Variants in MPPED1 observed in about 807,000 individuals in gnomAD.
MPPED1 encodes the protein metallophosphoesterase domain-containing protein 1.
Under a neutral mutation model 36.2 loss-of-function variants are expected in MPPED1, and 16 were observed. The ratio of observed to expected loss-of-function variants is 0.44; its 90% CI spans 0.30 to 0.67. MPPED1 has a LOEUF of 0.67. Among genes scored for constraint, MPPED1 ranks in the 30% least tolerant of loss-of-function variants. The probability of loss-of-function intolerance (pLI) is 0.10; values close to 1 mark genes in which losing one functional copy is unlikely to be tolerated. For synonymous variants in MPPED1, 199 were observed against 191.3 expected (o/e 1.04, Z -0.33); for missense variants, 307 against 453.4 (o/e 0.68, Z 2.93).
intron 3 of MPPED1, 51 bp downstream of exon 3, chr22:43,435,266 T>A: frequency 6.5e-7 from 1 of 1,531,478 alleles, no homozygotes; most frequent in South Asian, 1.2e-5. Context: ...GGAAGGGGGC[T>A]CCCGCCAGCT....
At chr22:43,443,757 G>T (rs1309963598) in intron 3 of MPPED1, among the ~76,000 whole-genome samples, 1 of 151,906 alleles carries the variant, frequency 6.6e-6, no homozygotes, top group African/African-American at 2.4e-5. Context: ...GGATTCTGTT[G>T]CTACGGCCTG....
chr22:43,431,249 G>A (rs150920519), intron 2 of MPPED1, among the ~76,000 whole-genome samples: 3,364 of 151,658 alleles, frequency 0.022, 154 homozygotes, highest in African/African-American at 0.078. Context: ...CACCATGTTG[G>A]CCAGGCTGGT....
intron 3 of MPPED1, among the ~76,000 whole-genome samples, chr22:43,438,213 C>T (rs1930031164): frequency 6.6e-6 from 1 of 152,190 alleles, no homozygotes. Flanking sequence ...TGGGACCCAC[C>T]TGGGGACGTG....
rs1019238739 is a variant in MPPED1 at position 43,502,261 on chromosome 22, C to T, written c.749-383C>T. 4.6e-5 allele frequency among the ~76,000 whole-genome samples: 7 copies of T among 152,136 alleles called. No individual in the cohort carries two copies. The highest frequency in any genetic ancestry group is 3.9e-4 in the Admixed American group (6 of 15,282). ...AGGGTGCCTGCCCTTGGGACTCACCCGTCCCTCTCTGGCCTCCGTTTGCTG... is the reference window on the plus strand; with the variant it reads ...AGGGTGCCTGCCCTTGGGACTCACCTGTCCCTCTCTGGCCTCCGTTTGCTG... On this transcript the variant is annotated intron_variant, in intron 5 of 6. Transcript: ENST00000443721. The surrounding 1 kb of genome is among the most constrained non-coding windows in gnomAD (Gnocchi z 5.5).
At chr22:43,421,160 C>G (rs1929260000) in intron 1 of MPPED1, among the ~76,000 whole-genome samples, 1 of 152,264 alleles carries the variant, frequency 6.6e-6, no homozygotes, top group East Asian at 1.9e-4. Flanking sequence ...TAAACGCTTC[C>G]TAGCTCAAAG....
chr22:43,425,162 C>T lies in MPPED1; in HGVS notation c.177C>T (p.Thr59=). Residue 59 remains threonine, a synonymous_variant, in exon 2 of 7, where the codon ACC becomes ACT. Transcript: ENST00000443721. ...GCTCCAACCCCACCCAGGCCTTCACCTTCTACAACATCAACCAGGGCCGCT... is the reference window on the plus strand; with the variant it reads ...GCTCCAACCCCACCCAGGCCTTCACTTTCTACAACATCAACCAGGGCCGCT... ...EYSSNPTQAF[T]FYNINQGRFQ... is the part of the protein sequence containing the mutation. 1 of 1,607,446 alleles carries T rather than the reference C, an allele frequency of 6.2e-7. No individual in the cohort carries two copies. Among genetic ancestry groups the T allele is most frequent in the Non-Finnish European group, 8.5e-7 (1 of 1,175,574 alleles).
chr22:43,453,729 C>T (rs1359201732), intron 3 of MPPED1, among the ~76,000 whole-genome samples: 1 of 152,162 alleles, frequency 6.6e-6, no homozygotes, highest in East Asian at 1.9e-4. Flanking sequence ...TACAATTCTG[C>T]CTGCTCACAC....
At position 43,505,720 on chromosome 22, in the gene MPPED1, C is replaced by G; in HGVS notation, c.*104C>G. On this transcript the variant is annotated 3_prime_UTR_variant, in exon 7 of 7. Transcript: ENST00000443721. ...GTTGCCTGGACGACCCATCTGGCTG[C>G]GGGGACTGGCCTAGCAGGCAGGTCA... 2.0e-6 allele frequency: 2 copies of G among 994,422 alleles called. No homozygotes were observed. Among genetic ancestry groups the G allele is most frequent in the East Asian group, 5.4e-5 (2 of 37,222 alleles). The allele number at this position is 994,422 out of a possible 1,614,324, so 61.6% of individuals were successfully genotyped here.
intron 4 of MPPED1, among the ~76,000 whole-genome samples, chr22:43,486,563 A>C (rs1931917994): frequency 6.6e-6 from 1 of 152,110 alleles, no homozygotes; most frequent in South Asian, 2.1e-4. Flanking sequence ...TAGAGACAGC[A>C]AAGCTATCCT....
Position 43,474,794 on chromosome 22 carries a change from C to G in MPPED1, c.465C>G (p.Asp155Glu). 6.2e-7 allele frequency: 1 copy of G among 1,614,064 alleles called. No homozygotes were observed. Among genetic ancestry groups the G allele is most frequent in the Non-Finnish European group, 8.5e-7 (1 of 1,179,906 alleles). ...VIAGNHELTF[D>E]QEFMADLIKQ... is the part of the protein sequence containing the mutation. ...CAGGCAACCACGAGCTGACCTTTGACCAGGAGTTCATGGCCGACCTCATCA... is the reference window on the plus strand; with the variant it reads ...CAGGCAACCACGAGCTGACCTTTGAGCAGGAGTTCATGGCCGACCTCATCA... Residue 155 changes from aspartate (D) to glutamate (E), a missense_variant, in exon 4 of 7, where the codon GAC becomes GAG. Physicochemically the swap from Asp to Glu is conservative, Grantham distance 45. This residue lies in a region of MPPED1 where 6 missense variants were observed against 28.8 expected (regional missense o/e 0.21). Transcript: ENST00000443721. The surrounding 1 kb of genome is among the most constrained non-coding windows in gnomAD (Gnocchi z 5.2).
intron 3 of MPPED1, among the ~76,000 whole-genome samples, chr22:43,465,282 G>A (rs1931126356): frequency 1.3e-5 from 2 of 152,258 alleles, no homozygotes; most frequent in Admixed American, 6.5e-5. Context: ...GACCATGACA[G>A]TTGGGAGGCT....
intron 2 of MPPED1, among the ~76,000 whole-genome samples, chr22:43,427,097 C>T (rs920997331): frequency 8.5e-5 from 13 of 152,196 alleles, no homozygotes; most frequent in Non-Finnish European, 1.6e-4. Flanking sequence ...AAGGAGAGAG[C>T]AGCAAGGCCT....
At chr22:43,495,493 AG>A (rs1932256834) in intron 4 of MPPED1, among the ~76,000 whole-genome samples, 3 of 7,976 alleles carry the variant, frequency 3.8e-4, no homozygotes, top group Non-Finnish European at 6.0e-4. Flanking sequence ...TGGTGGAGGT[AG>A]TGGTGGTGGA....
At chr22:43,412,247 C>A (rs1292626849) in intron 1 of MPPED1, 89 bp downstream of exon 1, 8 of 816,676 alleles carry the variant, frequency 9.8e-6, no homozygotes, top group Non-Finnish European at 1.2e-5. Context: ...CGCTGGGCGA[C>A]GCCCGCGGCG....
chr22:43,442,499 C>G (rs796888811), intron 3 of MPPED1, among the ~76,000 whole-genome samples: 8 of 152,326 alleles, frequency 5.3e-5, no homozygotes, highest in African/African-American at 1.7e-4. Flanking sequence ...TACCTGGGCA[C>G]CCGCCCCTGT....
At chr22:43,440,612 G>A (rs1216500892) in intron 3 of MPPED1, among the ~76,000 whole-genome samples, 4 of 152,194 alleles carry the variant, frequency 2.6e-5, no homozygotes, top group Non-Finnish European at 5.9e-5. Context: ...GGATTTGCAA[G>A]ATGCCAGAAA....
chr22:43,500,128 A>T (rs1428609650), intron 5 of MPPED1, among the ~76,000 whole-genome samples: 7 of 49,300 alleles, frequency 1.4e-4, no homozygotes, highest in South Asian at 1.1e-3. Context: ...GTGGTGATGG[A>T]GGTGGTAATG....
chr22:43,444,942 C>T (rs1157703426), intron 3 of MPPED1, among the ~76,000 whole-genome samples: 3 of 151,812 alleles, frequency 2.0e-5, no homozygotes, highest in Non-Finnish European at 2.9e-5. Flanking sequence ...AATTAAAAGC[C>T]AGGGTTGAAA....
intron 1 of MPPED1, among the ~76,000 whole-genome samples, chr22:43,421,465 G>A (rs1248175427): frequency 6.6e-6 from 1 of 152,260 alleles, no homozygotes; most frequent in Non-Finnish European, 1.5e-5. Flanking sequence ...CAGGCTGTCT[G>A]CATGCTAGCG....
Sources: gnomAD v4.1 joint callset for allele counts (sites outside exome capture counted in the v4.1 genomes callset) on GRCh38, gnomAD v4.1.1 for gene constraint, gnomAD v4.1.1 regional missense constraint, Gnocchi (gnomAD v3.1) non-coding constraint, MANE v1.5 for transcripts, NCBI Gene and HGNC (gene_info 2026-07-23, HGNC 2026-07-21) for gene names.